Variants in TEAD1 observed in about 807,000 individuals in gnomAD.
The protein encoded by TEAD1 is transcriptional enhancer factor TEF-1.
A neutral mutation model predicts 54.9 loss-of-function variants in TEAD1; 9 were observed. The observed-to-expected ratio is 0.16, with a 90% CI of 0.10 to 0.29. The LOEUF is 0.29. Ranked by LOEUF, TEAD1 falls within the 10% of genes least tolerant of loss-of-function variation. The pLI is 1.00. For missense variants in TEAD1, 387 were observed against 535.9 expected (o/e 0.72, Z 2.74); for synonymous variants, 200 against 187.8 (o/e 1.07, Z -0.53).
At chr11:12,689,497 G>C (rs914860420) in intron 2 of TEAD1, among the ~76,000 whole-genome samples, 1 of 152,192 alleles carries the variant, frequency 6.6e-6, no homozygotes, top group African/African-American at 2.4e-5. Flanking sequence ...TTATAGTGCA[G>C]GTTCAGTGAG....
chr11:12,878,728 C>T lies in TEAD1; in HGVS notation c.331-980C>T, dbSNP rs528970141. On this transcript the variant is annotated intron_variant, in intron 5 of 12. Coordinates refer to ENST00000527636, the MANE Select transcript of TEAD1 (RefSeq NM_021961.6). ...TTTTCTTCCTAAAATGTGAAAAGGC[C>T]CACACCCCTATGCATTTTATTGTTC... Among the ~76,000 whole-genome samples, 7 of 151,894 alleles carry T rather than the reference C, an allele frequency of 4.6e-5. No homozygotes were observed. In the East Asian group the frequency reaches 1.4e-3, roughly 29 times the overall value.
At chr11:12,745,841 T>G (rs893665281) in intron 2 of TEAD1, among the ~76,000 whole-genome samples, 1 of 152,238 alleles carries the variant, frequency 6.6e-6, no homozygotes. Context: ...ATGTGCCTGT[T>G]AGAGTTGGCT....
intron 2 of TEAD1, among the ~76,000 whole-genome samples, chr11:12,723,300 C>CTT (rs1157401250): frequency 1.3e-5 from 2 of 152,086 alleles, no homozygotes; most frequent in African/African-American, 4.8e-5. Context: ...TTGAGTATGG[C>CTT]TTTACTTACT....
At chr11:12,721,457 C>G (rs1372958090) in intron 2 of TEAD1, among the ~76,000 whole-genome samples, 1 of 152,168 alleles carries the variant, frequency 6.6e-6, no homozygotes, top group Non-Finnish European at 1.5e-5. Context: ...ACACCCCTAT[C>G]CCCAGCATCC....
At chr11:12,841,564 C>T (rs149989514) in intron 3 of TEAD1, among the ~76,000 whole-genome samples, 2 of 152,334 alleles carry the variant, frequency 1.3e-5, no homozygotes, top group East Asian at 1.9e-4. Flanking sequence ...TCCACATTCC[C>T]CCTCCAGGCT....
intron 10 of TEAD1, among the ~76,000 whole-genome samples, chr11:12,910,811 G>A (rs75322390): frequency 2.8e-5 from 4 of 142,330 alleles, no homozygotes; most frequent in African/African-American, 1.1e-4. Context: ...CAGTGGCACA[G>A]TCTCGGCTCA....
chr11:12,686,507 A>G (rs1023082706), intron 2 of TEAD1, among the ~76,000 whole-genome samples: 2 of 152,094 alleles, frequency 1.3e-5, no homozygotes, highest in African/African-American at 4.8e-5. Context: ...GCATTGGTTC[A>G]TTTCCTTTTA....
chr11:12,817,720 G>A (rs983469491), intron 3 of TEAD1, among the ~76,000 whole-genome samples: 8 of 152,112 alleles, frequency 5.3e-5, no homozygotes, highest in Non-Finnish European at 1.2e-4. Flanking sequence ...CTTGCAATGG[G>A]ACCAAACTAT....
intron 2 of TEAD1, among the ~76,000 whole-genome samples, chr11:12,733,710 T>C (rs1944468115): frequency 6.6e-6 from 1 of 152,228 alleles, no homozygotes; most frequent in Admixed American, 6.5e-5. Context: ...TGCATGCTTA[T>C]TTAAATAACA....
rs1168055997 is a variant in TEAD1 at position 12,942,305 on chromosome 11, C to T, written c.*5083C>T. On this transcript the variant is annotated 3_prime_UTR_variant, in exon 13 of 13. Transcript: ENST00000527636. ...AGAGAGACCAAAAATATTTTGAGAT[C>T]ACCGTAATGCCTTTGGTTTACCGGG... is the stretch of plus-strand genomic sequence containing the variant. The T allele has an allele frequency of 6.6e-6, 1 of 152,614 alleles. No homozygotes were observed. Among genetic ancestry groups the T allele is most frequent in the Non-Finnish European group, 1.5e-5 (1 of 68,036 alleles). The allele number at this position is 152,614 out of a possible 1,614,324, so 9.5% of individuals were successfully genotyped here.
intron 10 of TEAD1, among the ~76,000 whole-genome samples, chr11:12,915,383 T>C (rs1948692351): frequency 6.6e-6 from 1 of 152,196 alleles, no homozygotes. Context: ...TTTGCAGGGA[T>C]GATCCACTCT....
At chr11:12,716,246 C>T (rs988824636) in intron 2 of TEAD1, among the ~76,000 whole-genome samples, 3 of 152,126 alleles carry the variant, frequency 2.0e-5, no homozygotes, top group Non-Finnish European at 4.4e-5. Context: ...CAAGCAGAAT[C>T]GCTGTGCCCC....
chr11:12,842,989 ACT>A (rs1466433754), intron 3 of TEAD1, among the ~76,000 whole-genome samples: 10 of 152,078 alleles, frequency 6.6e-5, no homozygotes, highest in Non-Finnish European at 1.5e-5. Context: ...CACTAAACTA[ACT>A]CTATTCTGCT....
intron 3 of TEAD1, among the ~76,000 whole-genome samples, chr11:12,839,775 G>A (rs1230855454): frequency 1.3e-5 from 2 of 152,124 alleles, no homozygotes; most frequent in African/African-American, 2.4e-5. Context: ...AAATTTGCAG[G>A]CAGCAACAAG....
chr11:12,874,882 A>G (rs1947824395), intron 5 of TEAD1, among the ~76,000 whole-genome samples: 1 of 152,148 alleles, frequency 6.6e-6, no homozygotes, highest in Admixed American at 6.5e-5. Context: ...TTGGCTTTTT[A>G]TGTCCTCATT....
At chr11:12,690,148 A>T (rs1362461908) in intron 2 of TEAD1, among the ~76,000 whole-genome samples, 1 of 151,164 alleles carries the variant, frequency 6.6e-6, no homozygotes, top group Non-Finnish European at 1.5e-5. Flanking sequence ...AGCTGAAGGC[A>T]GGAGAATGGC....
intron 2 of TEAD1, among the ~76,000 whole-genome samples, chr11:12,691,126 T>C (rs1943448989): frequency 6.6e-6 from 1 of 152,196 alleles, no homozygotes; most frequent in Non-Finnish European, 1.5e-5. Context: ...AAAGGAAAGA[T>C]AGTTTTTTTT....
chr11:12,889,712 A>G (rs954497681), intron 9 of TEAD1, among the ~76,000 whole-genome samples: 1 of 152,090 alleles, frequency 6.6e-6, no homozygotes, highest in Non-Finnish European at 1.5e-5. Flanking sequence ...TATGAAACTC[A>G]TTTATTTTTA....
At chr11:12,772,818 C>T (rs528821011) in intron 3 of TEAD1, among the ~76,000 whole-genome samples, 9 of 152,190 alleles carry the variant, frequency 5.9e-5, no homozygotes, top group African/African-American at 9.6e-5. Context: ...TACTTGAACT[C>T]GTTTGTGTGT....
Sources: gnomAD v4.1 joint callset for allele counts (sites outside exome capture counted in the v4.1 genomes callset) on GRCh38, gnomAD v4.1.1 for gene constraint, MANE v1.5 for transcripts, NCBI Gene and HGNC (gene_info 2026-07-23, HGNC 2026-07-21) for gene names.